DTL: variants seen among roughly 807,000 people sequenced by gnomAD.
DTL encodes denticleless E3 ubiquitin protein ligase adapter.
A neutral mutation model predicts 87.0 loss-of-function variants in DTL; 46 were observed. The ratio of observed to expected loss-of-function variants is 0.53; its 90% confidence interval spans 0.42 to 0.68. The LOEUF (loss-of-function observed/expected upper bound fraction) is 0.68, where lower values mean the gene tolerates loss of function less well. Among genes scored for constraint, DTL ranks in the 30% least tolerant of loss-of-function variants. The pLI, the probability that DTL is intolerant of heterozygous loss-of-function variation, is 0.00. For synonymous variants in DTL, 308 were observed against 311.2 expected, an observed-to-expected ratio of 0.99 and a Z score of 0.11; for missense variants, 737 against 869.4, an observed-to-expected ratio of 0.85 and a Z score of 1.91.
intron 11 of DTL, 114 bp from the exon 12 acceptor site, chr1:212,078,059 A>G (rs920583809): frequency 3.5e-6 from 2 of 575,908 alleles, no homozygotes; most frequent in Non-Finnish European, 6.3e-6. Context: ...AGGCAGGTCT[A>G]GTGGCCTTTG....
chr1:212,088,376 C>T (rs760748180), intron 13 of DTL, among the ~76,000 whole-genome samples: 1 of 152,164 alleles, frequency 6.6e-6, no homozygotes. Context: ...TTCCTTACTA[C>T]GCACTATAGG....
chr1:212,050,217 G>GACCAT (rs1451908311), intron 5 of DTL, among the ~76,000 whole-genome samples: 4 of 152,052 alleles, frequency 2.6e-5, no homozygotes, highest in Non-Finnish European at 5.9e-5. Context: ...TCAATCAGAG[G>GACCAT]ACCATATAAA....
At position 212,100,206 on chromosome 1, in the gene DTL, G is replaced by T. The variant is rs769748879; in HGVS notation, c.1262-46G>T. 4 of 1,424,988 alleles carry T rather than the reference G, an allele frequency of 2.8e-6. No individual in the cohort carries two copies. The African/African-American group carries it at 4.3e-5, about 15-fold the overall frequency. 88.3% of individuals were successfully genotyped at this position (1,424,988 alleles called of 1,614,324 possible). ...TTCTTGATGAGAATTTAGGGACTTT[G>T]TATGGCTTTCACTTCTGATCTTCAT... On this transcript the variant is annotated intron_variant, in intron 13 of 14. Transcript: ENST00000366991.
At chr1:212,065,705 A>T (rs1183826914) in intron 7 of DTL, among the ~76,000 whole-genome samples, 1 of 152,138 alleles carries the variant, frequency 6.6e-6, no homozygotes, top group African/African-American at 2.4e-5. Flanking sequence ...AAACTACAGA[A>T]AAATATGTTT....
At chr1:212,093,337 G>T (rs890494650) in intron 13 of DTL, among the ~76,000 whole-genome samples, 10 of 152,158 alleles carry the variant, frequency 6.6e-5, no homozygotes, top group African/African-American at 2.4e-4. Flanking sequence ...GTCTATAGGC[G>T]GCTTGTGTTA....
chr1:212,059,010 A>G (rs1668259343), intron 5 of DTL, among the ~76,000 whole-genome samples: 1 of 152,174 alleles, frequency 6.6e-6, no homozygotes, highest in Non-Finnish European at 1.5e-5. Context: ...GATCAAATCA[A>G]TAGTAACAAG....
chr1:212,088,212 T>C (rs909182860), intron 13 of DTL, among the ~76,000 whole-genome samples: 6 of 152,284 alleles, frequency 3.9e-5, no homozygotes, highest in African/African-American at 1.4e-4. Flanking sequence ...ATTATCCTTA[T>C]CCTAAAGAGA....
Position 212,043,057 on chromosome 1 carries a change from A to G in DTL, c.117A>G (p.Glu39=), listed in dbSNP as rs1394976863. 5 of 1,613,418 alleles carry G rather than the reference A, an allele frequency of 3.1e-6. No homozygotes were observed. The highest frequency in any genetic ancestry group is 2.2e-5 in the East Asian group (1 of 44,786). ...GTTATCAGTGCAGTGGTAATGATGA[A>G]CACACTTCTTATGGAGAAACAGGAG... ...LTGYQCSGND[E]HTSYGETGVP... Residue 39 remains glutamate (E), a synonymous_variant, in exon 2 of 15, where the codon GAA becomes GAG. Transcript: ENST00000366991.
intron 13 of DTL, among the ~76,000 whole-genome samples, chr1:212,098,229 T>C (rs1655506270): frequency 2.0e-5 from 1 of 50,438 alleles, no homozygotes; most frequent in South Asian, 8.7e-4. Context: ...AGTTATTACA[T>C]GGACAGACTC....
intron 7 of DTL, 91 bp from the exon 8 acceptor site, chr1:212,066,721 G>A (rs3738449): frequency 0.36 from 364,321 of 1,002,582 alleles, 68,987 homozygotes; most frequent in East Asian, 0.58. Flanking sequence ...AGTCAGTCTG[G>A]GGAGAAAAGT....
chr1:212,054,939 C>T (rs1471787230), intron 5 of DTL, among the ~76,000 whole-genome samples: 1 of 151,998 alleles, frequency 6.6e-6, no homozygotes, highest in African/African-American at 2.4e-5. Flanking sequence ...ACAACCAAAG[C>T]TGTTAAAAGG....
At chr1:212,061,467 T>G (rs1281029261) in intron 5 of DTL, among the ~76,000 whole-genome samples, 1 of 146,258 alleles carries the variant, frequency 6.8e-6, no homozygotes, top group African/African-American at 2.5e-5. Flanking sequence ...TGTAAATTAG[T>G]CCAGTCACTA....
intron 3 of DTL, 81 bp downstream of exon 3, chr1:212,044,839 C>A: frequency 1.2e-6 from 1 of 804,710 alleles, no homozygotes; most frequent in Non-Finnish European, 2.1e-6. Context: ...TGAACACATT[C>A]TGTTTTAGTC....
intron 1 of DTL, among the ~76,000 whole-genome samples, chr1:212,036,710 TG>T (rs554811486): frequency 4.6e-5 from 7 of 152,254 alleles, no homozygotes; most frequent in Non-Finnish European, 1.0e-4. Context: ...ATAAGAGATT[TG>T]AGGTTAGATT....
At chr1:212,085,093 AG>A in intron 13 of DTL, among the ~76,000 whole-genome samples, 1 of 152,368 alleles carries the variant, frequency 6.6e-6, no homozygotes, top group Non-Finnish European at 1.5e-5. Context: ...GCACATGTTT[AG>A]TACAGACACA....
At chr1:212,041,103 G>A (rs1667626006) in intron 1 of DTL, among the ~76,000 whole-genome samples, 1 of 152,168 alleles carries the variant, frequency 6.6e-6, no homozygotes, top group African/African-American at 2.4e-5. Context: ...AATGTGTTGT[G>A]GAGGAAAGCA....
chr1:212,055,468 C>T (rs1668141346), intron 5 of DTL, among the ~76,000 whole-genome samples: 1 of 152,184 alleles, frequency 6.6e-6, no homozygotes, highest in African/African-American at 2.4e-5. Context: ...AGACTGTGTC[C>T]TGCCCTGCCA....
intron 5 of DTL, among the ~76,000 whole-genome samples, chr1:212,060,891 A>G (rs2102546374): frequency 6.6e-6 from 1 of 152,356 alleles, no homozygotes; most frequent in Admixed American, 6.5e-5. Flanking sequence ...ACAGACAACA[A>G]GAACAAATAG....
rs1333987513 is a variant in DTL at position 212,101,974 on chromosome 1, C to T, written c.2095-868C>T. Among the ~76,000 whole-genome samples, 11 of 152,302 alleles carry T rather than the reference C, an allele frequency of 7.2e-5. No homozygotes were observed. In the South Asian group the frequency reaches 2.3e-3, roughly 32 times the overall value. ...AAGTTTCCACTGTACTTCACAGTAG[C>T]TCTTGTGGTGGCGGGATGATTGAAA... On this transcript the variant is annotated intron_variant, in intron 14 of 14. Coordinates refer to ENST00000366991, the MANE Select transcript of DTL (RefSeq NM_016448.4).
Sources: gnomAD v4.1 joint callset for allele counts (sites outside exome capture counted in the v4.1 genomes callset) on GRCh38, gnomAD v4.1.1 for gene constraint, MANE v1.5 for transcripts, NCBI Gene and HGNC (gene_info 2026-07-23, HGNC 2026-07-21) for gene names.